TRPC5: variants seen among roughly 807,000 people sequenced by gnomAD.
TRPC5 encodes short transient receptor potential channel 5.
Under a neutral mutation model 56.5 loss-of-function variants are expected in TRPC5, and 9 were observed. The ratio of observed to expected loss-of-function variants is 0.16; its 90% CI spans 0.10 to 0.28. TRPC5 has a LOEUF of 0.28. TRPC5 is among the 10% of genes least tolerant of loss of function. The pLI, the probability that TRPC5 is intolerant of heterozygous loss-of-function variation, is 1.00. For missense variants in TRPC5, 469 were observed against 748.9 expected, an observed-to-expected ratio of 0.63 and a Z score of 4.36; for synonymous variants, 282 against 278.5, an observed-to-expected ratio of 1.01 and a Z score of -0.13.
intron 7 of TRPC5, among the ~76,000 whole-genome samples, chrX:111,801,216 G>A (rs1372986412): frequency 8.9e-6 from 1 of 111,882 alleles, no homozygotes; most frequent in Non-Finnish European, 1.9e-5. Context: ...ATTTTGTAAC[G>A]TGTCGGTACT....
chrX:111,794,145 T>TA (rs1265924858), intron 7 of TRPC5, among the ~76,000 whole-genome samples: 1 of 112,079 alleles, frequency 8.9e-6, no homozygotes, highest in Non-Finnish European at 1.9e-5. Context: ...TCAAATATAC[T>TA]AAAAACCACT....
At chrX:111,982,989 G>A (rs1395061910) in intron 1 of TRPC5, among the ~76,000 whole-genome samples, 1 of 111,199 alleles carries the variant, frequency 9.0e-6, no homozygotes, top group Non-Finnish European at 1.9e-5. Flanking sequence ...AGTTGATTCT[G>A]TAACTGAGTC....
intron 7 of TRPC5, among the ~76,000 whole-genome samples, chrX:111,789,320 T>A (rs1231572668): frequency 8.9e-6 from 1 of 112,004 alleles, no homozygotes; most frequent in Admixed American, 9.5e-5. Flanking sequence ...GGGGAAAGGA[T>A]TCCCTATTTA....
At chrX:111,993,796 C>T (rs889637447) in intron 1 of TRPC5, among the ~76,000 whole-genome samples, 1 of 111,873 alleles carries the variant, frequency 8.9e-6, no homozygotes, top group Non-Finnish European at 1.9e-5. Flanking sequence ...TAGATTCTGG[C>T]TATTAGCCCT....
chrX:111,932,589 AC>A (rs1318785651), intron 2 of TRPC5, among the ~76,000 whole-genome samples: 1 of 110,971 alleles, frequency 9.0e-6, no homozygotes, highest in Non-Finnish European at 1.9e-5. Context: ...CTTTCCTTTC[AC>A]CATACTCTAG....
intron 2 of TRPC5, among the ~76,000 whole-genome samples, 156 bp downstream of exon 2, chrX:111,951,887 G>A (rs181526692): frequency 5.4e-5 from 6 of 111,696 alleles, no homozygotes; most frequent in East Asian, 5.7e-4. Context: ...CATGGGCCAC[G>A]TAGGGTAGCT....
At chrX:111,805,629 G>C (rs1343320355) in intron 7 of TRPC5, among the ~76,000 whole-genome samples, 1 of 111,595 alleles carries the variant, frequency 9.0e-6, no homozygotes, top group African/African-American at 3.3e-5. Context: ...TATTATGCCA[G>C]TTAGGCTAAA....
At chrX:111,981,497 C>T (rs1319751447) in intron 1 of TRPC5, among the ~76,000 whole-genome samples, 4 of 111,702 alleles carry the variant, frequency 3.6e-5, no homozygotes, top group Non-Finnish European at 5.6e-5. Context: ...AATATCTTGG[C>T]GCCCTATGGC....
At chrX:111,845,858 A>G (rs1922909186) in intron 6 of TRPC5, among the ~76,000 whole-genome samples, 1 of 111,666 alleles carries the variant, frequency 9.0e-6, no homozygotes, top group South Asian at 3.8e-4. Flanking sequence ...TTCTCCTTGC[A>G]CATTAATCTG....
chrX:112,014,217 T>A (rs893018970), intron 1 of TRPC5, among the ~76,000 whole-genome samples: 5 of 112,041 alleles, frequency 4.5e-5, no homozygotes, highest in Non-Finnish European at 9.4e-5. Context: ...TTAACCTCGT[T>A]CCTCTTTAAG....
intron 2 of TRPC5, among the ~76,000 whole-genome samples, chrX:111,949,599 A>G (rs1453396670): frequency 8.9e-6 from 1 of 112,244 alleles, no homozygotes; most frequent in East Asian, 2.8e-4. Context: ...AAAATGCTCG[A>G]CATCACTGAT....
chrX:112,016,245 TC>T (rs766182524), intron 1 of TRPC5, among the ~76,000 whole-genome samples: 51 of 111,043 alleles, frequency 4.6e-4, no homozygotes, highest in African/African-American at 1.6e-3. Context: ...GCATTTGCCA[TC>T]CATCACCTCT....
At chrX:111,871,026 A>G (rs188818505) in intron 3 of TRPC5, among the ~76,000 whole-genome samples, 1 of 111,816 alleles carries the variant, frequency 8.9e-6, no homozygotes, top group Non-Finnish European at 1.9e-5. Context: ...CTTCCTTTCA[A>G]ATCTTCAGGA....
intron 1 of TRPC5, among the ~76,000 whole-genome samples, chrX:111,985,901 G>A: frequency 9.0e-6 from 1 of 111,589 alleles, no homozygotes; most frequent in Admixed American, 9.6e-5. Flanking sequence ...CCAGAATCTA[G>A]GTACTCCCAT....
intron 1 of TRPC5, among the ~76,000 whole-genome samples, chrX:111,984,461 T>C (rs1174561355): frequency 1.8e-5 from 2 of 111,943 alleles, no homozygotes; most frequent in South Asian, 7.5e-4. Flanking sequence ...CTTCTTTCAT[T>C]GTAGGAAAGG....
At chrX:111,916,058 G>A (rs1417875090) in intron 2 of TRPC5, among the ~76,000 whole-genome samples, 8 of 111,669 alleles carry the variant, frequency 7.2e-5, no homozygotes, top group Non-Finnish European at 1.3e-4. Context: ...CTGGGAGGTC[G>A]AGGCTGCAGT....
chrX:111,886,594 CA>C (rs1159870963), intron 3 of TRPC5, among the ~76,000 whole-genome samples: 3 of 111,830 alleles, frequency 2.7e-5, no homozygotes, highest in African/African-American at 9.8e-5. Flanking sequence ...TTGGAAAAGA[CA>C]GTTCTGACAA....
At chrX:111,908,712 C>T (rs778757802) in intron 3 of TRPC5, among the ~76,000 whole-genome samples, 1 of 112,005 alleles carries the variant, frequency 8.9e-6, no homozygotes, top group Non-Finnish European at 1.9e-5. Context: ...AAATAGAGTG[C>T]TTTTTGAATT....
At chrX:111,781,453 C>T (rs1184834986) in intron 8 of TRPC5, among the ~76,000 whole-genome samples, 1 of 112,015 alleles carries the variant, frequency 8.9e-6, no homozygotes, top group Non-Finnish European at 1.9e-5. Context: ...TGGCCAGGTG[C>T]GGTGGCTCAT....
Sources: gnomAD v4.1 joint callset for allele counts (sites outside exome capture counted in the v4.1 genomes callset) on GRCh38, gnomAD v4.1.1 for gene constraint, MANE v1.5 for transcripts, NCBI Gene and HGNC (gene_info 2026-07-23, HGNC 2026-07-21) for gene names.